Variants in ANKRD31 observed in about 807,000 individuals in gnomAD.
ANKRD31 encodes ankyrin repeat domain 31.
A neutral mutation model predicts 186.0 loss-of-function variants in ANKRD31; 147 were observed. That is an observed-to-expected ratio of 0.79 (90% CI 0.69 to 0.91). The LOEUF is 0.91. ANKRD31 is among the 40% of genes least tolerant of loss of function. The probability of loss-of-function intolerance (pLI) is 0.00; values close to 1 mark genes in which losing one functional copy is unlikely to be tolerated. For synonymous variants in ANKRD31, 673 were observed against 736.4 expected (o/e 0.91, Z 1.39); for missense variants, 1,986 against 2,148.8 (o/e 0.92, Z 1.50).
chr5:75,187,656 A>ACC (rs1580518427), intron 10 of ANKRD31, among the ~76,000 whole-genome samples: 1 of 152,164 alleles, frequency 6.6e-6, no homozygotes, highest in East Asian at 1.9e-4. Context: ...GAGGGTTATA[A>ACC]CAGGGCTATA....
chr5:75,175,120 A>G (rs1442315676), intron 10 of ANKRD31, among the ~76,000 whole-genome samples: 4 of 152,232 alleles, frequency 2.6e-5, no homozygotes, highest in African/African-American at 9.6e-5. Context: ...TGAGCAAACT[A>G]TCACAAGGAC....
At chr5:75,137,309 C>T (rs1336508651) in intron 17 of ANKRD31, among the ~76,000 whole-genome samples, 3 of 152,012 alleles carry the variant, frequency 2.0e-5, no homozygotes, top group Non-Finnish European at 4.4e-5. Flanking sequence ...TGAGTGTAAA[C>T]ATCTGAAGAA....
chr5:75,172,646 T>A (rs138441350), intron 10 of ANKRD31, among the ~76,000 whole-genome samples: 1 of 151,906 alleles, frequency 6.6e-6, no homozygotes, highest in Non-Finnish European at 1.5e-5. Flanking sequence ...AGAAGAAATG[T>A]ATAAATTCCT....
At chr5:75,091,209 T>C in intron 23 of ANKRD31, 52 bp downstream of exon 23, 1 of 1,485,810 alleles carries the variant, frequency 6.7e-7, no homozygotes, top group Non-Finnish European at 8.9e-7. Flanking sequence ...CACAAAAATA[T>C]GTACTTTTCC....
At chr5:75,084,445 C>T in intron 23 of ANKRD31, 71 bp from the exon 24 acceptor site, 1 of 1,159,714 alleles carries the variant, frequency 8.6e-7, no homozygotes, top group Non-Finnish European at 1.2e-6. Flanking sequence ...ATGTCCTGAA[C>T]ATTGTAATTT....
intron 24 of ANKRD31, among the ~76,000 whole-genome samples, chr5:75,082,955 G>C (rs992463255): frequency 1.3e-5 from 2 of 152,160 alleles, no homozygotes; most frequent in Non-Finnish European, 2.9e-5. Flanking sequence ...GATTCGCTGT[G>C]CTTCCTACAT....
intron 23 of ANKRD31, among the ~76,000 whole-genome samples, chr5:75,087,417 G>A (rs976086473): frequency 2.0e-5 from 3 of 151,962 alleles, no homozygotes; most frequent in Non-Finnish European, 4.4e-5. Context: ...TGAGGCAAGA[G>A]AATCACTTGA....
intron 22 of ANKRD31, among the ~76,000 whole-genome samples, chr5:75,102,374 G>T (rs1746970062): frequency 6.6e-6 from 1 of 152,346 alleles, no homozygotes; most frequent in African/African-American, 2.4e-5. Context: ...GGCTACTCAG[G>T]GGTCAGGGAC....
chr5:75,234,475 C>CCT (rs1197343927), intron 1 of ANKRD31, among the ~76,000 whole-genome samples: 3 of 152,216 alleles, frequency 2.0e-5, no homozygotes, highest in African/African-American at 7.2e-5. Context: ...CTTCAGTGAG[C>CCT]TATGACTGCA....
At chr5:75,134,754 A>G (rs1047251244) in intron 17 of ANKRD31, among the ~76,000 whole-genome samples, 4 of 152,190 alleles carry the variant, frequency 2.6e-5, no homozygotes, top group Admixed American at 6.5e-5. Flanking sequence ...ATGAACACCA[A>G]TGCAAAATCC....
Position 75,188,544 on chromosome 5 carries a change from CAAGATCAGCA to C in ANKRD31, c.1503_1512del (p.Asp501GlufsTer6). 1 of 1,536,028 alleles carries C rather than the reference CAAGATCAGCA, an allele frequency of 6.5e-7. No individual in the cohort carries two copies. The highest frequency in any genetic ancestry group is 8.7e-7 in the Non-Finnish European group (1 of 1,146,450). On this transcript the variant is annotated frameshift_variant, in exon 10 of 26. Transcript: ENST00000506364. LOFTEE classifies it high-confidence loss of function. ...CCACCTTTTTTTATACAATGATGAA[CAAGATCAGCA>C]TCATCGTGTAGAGCAGCCTTATATA...
intron 17 of ANKRD31, among the ~76,000 whole-genome samples, chr5:75,128,689 T>C (rs1306120747): frequency 6.7e-6 from 1 of 148,364 alleles, no homozygotes; most frequent in African/African-American, 2.5e-5. Context: ...TTTTTTTTGG[T>C]ATTTTTAGTA....
intron 21 of ANKRD31, among the ~76,000 whole-genome samples, chr5:75,107,056 A>C (rs1005556687): frequency 5.9e-5 from 9 of 152,024 alleles, no homozygotes; most frequent in African/African-American, 2.2e-4. Flanking sequence ...AAATATGAGA[A>C]GAGGTATATA....
At position 75,112,498 on chromosome 5, in the gene ANKRD31, T is replaced by C; in HGVS notation, c.4243+15A>G. On this transcript the variant is annotated intron_variant, in intron 20 of 25. Coordinates refer to ENST00000506364, the MANE Select transcript of ANKRD31 (RefSeq NM_001372053.1). The stretch of plus-strand genomic sequence containing the variant: ...TATCTGAAAATATCATACTTGAGTA[T>C]GAGTCTATATTTACCTGCATCTTCA... The C allele has an allele frequency of 1.4e-6, 2 of 1,424,552 alleles. No homozygotes were observed. The highest frequency in any genetic ancestry group is 5.0e-5 in the East Asian group (2 of 39,924). The allele number at this position is 1,424,552 out of a possible 1,614,324, so 88.2% of individuals were successfully genotyped here.
At chr5:75,116,728 T>C in intron 18 of ANKRD31, 47 bp from the exon 19 acceptor site, 2 of 1,143,098 alleles carry the variant, frequency 1.7e-6, no homozygotes, top group African/African-American at 3.1e-5. Flanking sequence ...TGCAAAAATA[T>C]AGTTTCATTT....
At chr5:75,088,636 G>A (rs1437697659) in intron 23 of ANKRD31, among the ~76,000 whole-genome samples, 2 of 152,202 alleles carry the variant, frequency 1.3e-5, no homozygotes, top group Admixed American at 6.5e-5. Flanking sequence ...TGAAAGGAAC[G>A]TGTGCCTCTC....
chr5:75,115,570 C>CA (rs1228233097), intron 19 of ANKRD31, among the ~76,000 whole-genome samples: 5 of 151,116 alleles, frequency 3.3e-5, no homozygotes, highest in Non-Finnish European at 7.4e-5. Context: ...AAGAAAAAAA[C>CA]AAACAACCCC....
chr5:75,192,271 GT>G (rs1440139829), intron 9 of ANKRD31, among the ~76,000 whole-genome samples: 1 of 152,068 alleles, frequency 6.6e-6, no homozygotes, highest in Non-Finnish European at 1.5e-5. Context: ...GCTTCTGAGA[GT>G]TTTTTAGTTC....
intron 22 of ANKRD31, among the ~76,000 whole-genome samples, chr5:75,102,105 G>A (rs1364847397): frequency 6.6e-6 from 1 of 152,144 alleles, no homozygotes; most frequent in Non-Finnish European, 1.5e-5. Context: ...TACAGATGGG[G>A]GTTTGGTGTG....
Sources: allele counts gnomAD v4.1 joint callset (sites outside exome capture counted in the v4.1 genomes callset), GRCh38; gene constraint gnomAD v4.1.1; transcripts MANE v1.5; gene names NCBI Gene and HGNC (gene_info 2026-07-23, HGNC 2026-07-21).